TAF4B: variants seen among roughly 807,000 people sequenced by gnomAD.
TAF4B encodes TATA-box binding protein associated factor 4b.
In TAF4B, 38 loss-of-function variants were observed where a neutral mutation model predicts 86.4. That is an observed-to-expected ratio of 0.44 (90% confidence interval 0.34 to 0.58). The LOEUF (loss-of-function observed/expected upper bound fraction) is 0.58, where lower values mean the gene tolerates loss of function less well. Among genes scored for constraint, TAF4B ranks in the 20% least tolerant of loss-of-function variants. The probability of loss-of-function intolerance (pLI) is 0.02; values close to 1 mark genes in which losing one functional copy is unlikely to be tolerated. For synonymous variants in TAF4B, 388 were observed against 391.2 expected (o/e 0.99, Z 0.10); for missense variants, 988 against 1,027.6 (o/e 0.96, Z 0.53).
At chr18:26,326,232 A>G (rs1241165254) in intron 11 of TAF4B, among the ~76,000 whole-genome samples, 1 of 152,208 alleles carries the variant, frequency 6.6e-6, no homozygotes, top group Non-Finnish European at 1.5e-5. Flanking sequence ...AGGGGCAGCT[A>G]TATAGGTGAA....
chr18:26,245,640 G>A (rs990281193), intron 1 of TAF4B, among the ~76,000 whole-genome samples: 9 of 152,160 alleles, frequency 5.9e-5, no homozygotes, highest in African/African-American at 1.9e-4. Context: ...ATTTTACAGA[G>A]CGCTGATTGG....
intron 1 of TAF4B, among the ~76,000 whole-genome samples, chr18:26,237,467 G>A (rs1364843023): frequency 1.3e-5 from 2 of 152,088 alleles, no homozygotes; most frequent in African/African-American, 2.4e-5. Context: ...AGCTTGAAGG[G>A]GATGTAACCG....
chr18:26,274,694 T>G lies in TAF4B; in HGVS notation c.629T>G (p.Val210Gly). 6.2e-7 allele frequency: 1 copy of G among 1,614,182 alleles called. No homozygotes were observed. Among genetic ancestry groups the G allele is most frequent in the South Asian group, 1.1e-5 (1 of 91,084 alleles). The change falls in exon 4 of 15, where the codon GTT (valine) becomes GGT (glycine). Residue 210 changes from valine (V) to glycine (G), a missense_variant. By Grantham distance (109) the Val-to-Gly change is moderately radical. This residue lies in a region of TAF4B where 747 missense variants were observed against 737.9 expected (regional missense o/e 1.01). Transcript: ENST00000269142. ...SVAVPTSVVT[V>G]TPGKPLNTVT... ...GCTGTGCCAACCAGTGTCGTCACAGTTACTCCTGGAAAGCCATTGAATACT... is the reference window on the plus strand; with the variant it reads ...GCTGTGCCAACCAGTGTCGTCACAGGTACTCCTGGAAAGCCATTGAATACT...
At chr18:26,375,631 TTTAC>T (rs1196227469) in intron 14 of TAF4B, among the ~76,000 whole-genome samples, 2 of 152,198 alleles carry the variant, frequency 1.3e-5, no homozygotes. Context: ...TCATTGTGGT[TTTAC>T]TTTGCATTTT....
In TAF4B at chr18:26,274,906, C is replaced by T. The variant is rs201747054; in HGVS notation, c.760-25C>T. The T allele has an allele frequency of 1.3e-4, 210 of 1,612,130 alleles. No individual in the cohort carries two copies. In the African/African-American group the frequency reaches 2.5e-3, roughly 19 times the overall value. On this transcript the variant is annotated intron_variant, in intron 4 of 14. Coordinates refer to ENST00000269142, the MANE Select transcript of TAF4B (RefSeq NM_005640.3). ...GTTTGCTCACTAACACTTGTGTTTG[C>T]TTATATTTACATTTTCATATTTAGA...
intron 14 of TAF4B, among the ~76,000 whole-genome samples, chr18:26,365,446 A>G (rs1228209002): frequency 6.6e-6 from 1 of 152,216 alleles, no homozygotes; most frequent in Non-Finnish European, 1.5e-5. Context: ...GCTTGTAGCC[A>G]AAAAGAAAGT....
At chr18:26,276,694 TTACGGGTG>T (rs1264283827) in intron 5 of TAF4B, among the ~76,000 whole-genome samples, 1 of 152,218 alleles carries the variant, frequency 6.6e-6, no homozygotes, top group African/African-American at 2.4e-5. Context: ...TTAATTCAAC[TTACGGGTG>T]TCTTTTTAAA....
intron 1 of TAF4B, among the ~76,000 whole-genome samples, chr18:26,232,609 G>A (rs2055689790): frequency 6.6e-6 from 1 of 152,196 alleles, no homozygotes; most frequent in African/African-American, 2.4e-5. Context: ...GCCATTGTCT[G>A]ATTTCAGAAG....
chr18:26,268,013 G>A (rs2056263994), intron 3 of TAF4B, among the ~76,000 whole-genome samples: 1 of 152,180 alleles, frequency 6.6e-6, no homozygotes, highest in Non-Finnish European at 1.5e-5. Context: ...GAGAACTTTG[G>A]AGGATATATG....
At position 26,391,101 on chromosome 18, in the gene TAF4B, C is replaced by T. The variant is rs1978681839; in HGVS notation, c.*1089C>T. The stretch of plus-strand genomic sequence containing the variant: ...ATAGGACTTTATGTTGGATTCTGTA[C>T]TTAAAAGGTACTGTCAATATCTCAC... On this transcript the variant is annotated 3_prime_UTR_variant, in exon 15 of 15. Coordinates refer to ENST00000269142, the MANE Select transcript of TAF4B (RefSeq NM_005640.3). 3 of 151,794 alleles carry T rather than the reference C, an allele frequency of 2.0e-5. No homozygotes were observed. In the South Asian group the frequency reaches 6.2e-4, roughly 32 times the overall value. The allele number at this position is 151,794 out of a possible 1,614,324, so 9.4% of individuals were successfully genotyped here. A position where few individuals can be genotyped will look rare whatever the true frequency, so the allele number is the denominator to read the frequency against.
chr18:26,231,034 CTTTTTTTT>C (rs536863843), intron 1 of TAF4B, among the ~76,000 whole-genome samples: 14 of 66,162 alleles, frequency 2.1e-4, no homozygotes, highest in South Asian at 5.9e-4. Flanking sequence ...TGTTGTTTTG[CTTTTTTTT>C]TTTTTTTTTT....
At chr18:26,377,550 G>A (rs545111963) in intron 14 of TAF4B, among the ~76,000 whole-genome samples, 24 of 152,298 alleles carry the variant, frequency 1.6e-4, no homozygotes, top group Admixed American at 1.3e-3. Context: ...TATTAAAACC[G>A]TAAAGTAGAT....
At chr18:26,287,572 A>G (rs1407735546) in intron 7 of TAF4B, among the ~76,000 whole-genome samples, 1 of 152,268 alleles carries the variant, frequency 6.6e-6, no homozygotes, top group African/African-American at 2.4e-5. Flanking sequence ...GAGATACTAC[A>G]TGATGCATTA....
chr18:26,234,454 G>C (rs893484154), intron 1 of TAF4B, among the ~76,000 whole-genome samples: 1 of 152,202 alleles, frequency 6.6e-6, no homozygotes, highest in Non-Finnish European at 1.5e-5. Context: ...AAACATACTT[G>C]CTATCTGTAT....
intron 1 of TAF4B, among the ~76,000 whole-genome samples, chr18:26,243,590 T>C (rs1424381484): frequency 1.3e-5 from 2 of 152,220 alleles, no homozygotes; most frequent in Non-Finnish European, 2.9e-5. Flanking sequence ...TCTCAACTCA[T>C]CAAAGTCATT....
chr18:26,359,177 T>C (rs2057312092), intron 14 of TAF4B, among the ~76,000 whole-genome samples: 1 of 152,212 alleles, frequency 6.6e-6, no homozygotes, highest in African/African-American at 2.4e-5. Flanking sequence ...TTCCACAGTC[T>C]ACCTCATATA....
intron 9 of TAF4B, among the ~76,000 whole-genome samples, chr18:26,311,773 G>A (rs1257392321): frequency 6.6e-6 from 1 of 152,208 alleles, no homozygotes; most frequent in East Asian, 1.9e-4. Context: ...GAAGACCTTG[G>A]ATGTCAAGTT....
At chr18:26,320,122 TTGA>T (rs1317387913) in intron 10 of TAF4B, among the ~76,000 whole-genome samples, 2 of 152,218 alleles carry the variant, frequency 1.3e-5, no homozygotes, top group African/African-American at 4.8e-5. Context: ...AGTTCACCCT[TTGA>T]TGAGAATATA....
chr18:26,290,537 C>T (rs920613733), intron 7 of TAF4B, among the ~76,000 whole-genome samples: 1 of 152,080 alleles, frequency 6.6e-6, no homozygotes, highest in African/African-American at 2.4e-5. Flanking sequence ...GATGTCCTTG[C>T]AGTATTTTTT....
Sources: gnomAD v4.1 joint callset for allele counts (sites outside exome capture counted in the v4.1 genomes callset) on GRCh38, gnomAD v4.1.1 for gene constraint, gnomAD v4.1.1 regional missense constraint, MANE v1.5 for transcripts, NCBI Gene and HGNC (gene_info 2026-07-23, HGNC 2026-07-21) for gene names.